The following RGS18 variants were observed in gnomAD, a reference collection of about 807,000 sequenced individuals.
The protein encoded by RGS18 is regulator of G protein signaling 18.
Under a neutral mutation model 27.6 loss-of-function variants are expected in RGS18, and 22 were observed. That is an observed-to-expected ratio of 0.80 (90% confidence interval 0.57 to 1.14). The LOEUF (loss-of-function observed/expected upper bound fraction) is 1.14, where lower values mean the gene tolerates loss of function less well. Among genes scored for constraint, RGS18 ranks in the 50% most tolerant of loss-of-function variants. The pLI, the probability that RGS18 is intolerant of heterozygous loss-of-function variation, is 0.00. For missense variants in RGS18, 299 were observed against 269.6 expected (o/e 1.11, Z -0.76); for synonymous variants, 89 against 84.6 (o/e 1.05, Z -0.29).
chr1:192,169,286 G>A (rs1211052234), intron 3 of RGS18: 4 of 152,020 alleles, frequency 2.6e-5, no homozygotes, highest in South Asian at 2.1e-4. Context: ...ATCAATCCAC[G>A]CTTATGCATA....
In RGS18 at chr1:192,172,864, C is replaced by CATATATATATATAT. The variant is rs549568195; in HGVS notation, c.284-8422_284-8409dup. Among the ~76,000 whole-genome samples, 1,090 of 135,466 alleles carry CATATATATATATAT rather than the reference C, an allele frequency of 8.0e-3. 11 individuals are homozygous for CATATATATATATAT. Among genetic ancestry groups the CATATATATATATAT allele is most frequent in the East Asian group, 0.043 (181 of 4,248 alleles). 88.9% of individuals were successfully genotyped at this position (135,466 alleles called of 152,430 possible). A position where few individuals can be genotyped will look rare whatever the true frequency, so the allele number is the denominator to read the frequency against. ...ACAATGCCTTCCTGAGAAAAATATG[C>CATATATATATATAT]ATATATATATATATATATAAATATA... On this transcript the variant is annotated intron_variant, in intron 3 of 4. Transcript: ENST00000367460.
At chr1:192,161,105 C>A in intron 3 of RGS18, among the ~76,000 whole-genome samples, 1 of 152,256 alleles carries the variant, frequency 6.6e-6, no homozygotes, top group Admixed American at 6.5e-5. Flanking sequence ...CCGTCTCAGC[C>A]TCCCAAAGTG....
At chr1:192,182,460 C>T (rs949370214) in intron 4 of RGS18, among the ~76,000 whole-genome samples, 3 of 151,510 alleles carry the variant, frequency 2.0e-5, no homozygotes, top group Non-Finnish European at 4.4e-5. Context: ...AACATTTTGT[C>T]CAAAATGGCA....
At chr1:192,176,896 A>G (rs779347044) in intron 3 of RGS18, among the ~76,000 whole-genome samples, 3 of 151,832 alleles carry the variant, frequency 2.0e-5, no homozygotes, top group Non-Finnish European at 2.9e-5. Context: ...CCAAAGTCAT[A>G]TAGACTGGCA....
chr1:192,159,236 AAT>A lies in RGS18; in HGVS notation c.138_139del (p.Asn46LysfsTer10). 6.2e-7 allele frequency: 1 copy of A among 1,612,868 alleles called. No individual in the cohort carries two copies. Among genetic ancestry groups the A allele is most frequent in the Non-Finnish European group, 8.5e-7 (1 of 1,178,904 alleles). On this transcript the variant is annotated frameshift_variant, in exon 2 of 5. Transcript: ENST00000367460. LOFTEE classifies it high-confidence loss of function. ...TTATTACAGAGCTAAGGAAAAAAGAAATAGACTAAGTCTTCTTGTGCAGAAAC... is the reference window on the plus strand; with the variant it reads ...TTATTACAGAGCTAAGGAAAAAAGAAAGACTAAGTCTTCTTGTGCAGAAAC... The part of the protein sequence containing the change: ...EAKIRAKEKR[N>X]RLSLLVQKPE...
Position 192,184,778 on chromosome 1 carries a change from A to C in RGS18, c.*224A>C. 2.3e-6 allele frequency: 1 copy of C among 435,060 alleles called. No individual in the cohort carries two copies. The highest frequency in any genetic ancestry group is 4.1e-6 in the Non-Finnish European group (1 of 245,688). 26.9% of individuals were successfully genotyped at this position (435,060 alleles called of 1,614,324 possible). A position where few individuals can be genotyped will look rare whatever the true frequency, so the allele number is the denominator to read the frequency against. ...ATGTCATTCCATTTATAATCAGAAA[A>C]AAAACTTATTTCTTAATCAAAAGGC... is the stretch of plus-strand genomic sequence containing the variant. On this transcript the variant is annotated 3_prime_UTR_variant, in exon 5 of 5. Coordinates refer to ENST00000367460, the MANE Select transcript of RGS18 (RefSeq NM_130782.3).
chr1:192,163,461 C>A (rs1403478514), intron 3 of RGS18: 1 of 152,086 alleles, frequency 6.6e-6, no homozygotes, highest in African/African-American at 2.4e-5. Flanking sequence ...CCTCACCTAG[C>A]ATTCTGTAAT....
chr1:192,180,090 TTTTTGAAGTCACATTGTCTAG>T (rs1449078413), intron 3 of RGS18, among the ~76,000 whole-genome samples: 1 of 151,560 alleles, frequency 6.6e-6, no homozygotes, highest in East Asian at 1.9e-4. Context: ...TGAAAGAGCG[TTTTTGAAGTCACATTGTCTAG>T]TTTTGAAGTC....
chr1:192,164,163 G>T (rs1343145096), intron 3 of RGS18, among the ~76,000 whole-genome samples: 1 of 152,106 alleles, frequency 6.6e-6, no homozygotes, highest in Non-Finnish European at 1.5e-5. Context: ...TTTTAGGAAT[G>T]AAACCACAGG....
chr1:192,183,840 G>T (rs984664240), intron 4 of RGS18, among the ~76,000 whole-genome samples: 1 of 151,558 alleles, frequency 6.6e-6, no homozygotes, highest in Non-Finnish European at 1.5e-5. Flanking sequence ...ACTTCAATTG[G>T]TTCATGGTTC....
intron 3 of RGS18, among the ~76,000 whole-genome samples, chr1:192,172,884 AAT>A (rs1553229386): frequency 4.1e-5 from 4 of 97,496 alleles, no homozygotes; most frequent in African/African-American, 9.6e-5. Context: ...TATATATATA[AAT>A]ATATATATAT....
rs912606714 is a variant in RGS18 at position 192,181,158 on chromosome 1, T to C, written c.284-134T>C. 3.2e-5 allele frequency: 16 copies of C among 495,910 alleles called. No homozygotes were observed. The East Asian group carries it at 4.3e-4, about 13-fold the overall frequency. The allele number at this position is 495,910 out of a possible 1,614,324, so 30.7% of individuals were successfully genotyped here. On this transcript the variant is annotated intron_variant, in intron 3 of 4. Coordinates refer to ENST00000367460, the MANE Select transcript of RGS18 (RefSeq NM_130782.3). ...GGTCTCTCAGGTATATTGTGCAAGA[T>C]GTGTGCTGCGGTGCTGCATTAGAGG... is the stretch of plus-strand genomic sequence containing the variant.
intron 4 of RGS18, 119 bp downstream of exon 4, chr1:192,181,577 C>A: frequency 1.5e-6 from 1 of 660,264 alleles, no homozygotes; most frequent in Non-Finnish European, 2.4e-6. Flanking sequence ...TTATAATTGA[C>A]ATGTAATAAT....
intron 3 of RGS18, among the ~76,000 whole-genome samples, chr1:192,179,272 G>A (rs1656408645): frequency 6.6e-6 from 1 of 151,492 alleles, no homozygotes; most frequent in Admixed American, 6.6e-5. Context: ...AGAGAAATGG[G>A]CTATAACTAG....
In RGS18 at chr1:192,158,520, C is replaced by A; in HGVS notation, c.-118C>A. 1.1e-6 allele frequency: 1 copy of A among 897,642 alleles called. No individual in the cohort carries two copies. Among genetic ancestry groups the A allele is most frequent in the Non-Finnish European group, 1.5e-6 (1 of 660,214 alleles). 55.6% of individuals were successfully genotyped at this position (897,642 alleles called of 1,614,324 possible). On this transcript the variant is annotated 5_prime_UTR_variant, in exon 1 of 5. Transcript: ENST00000367460. ...CAGCTCTTGACTTCTTTTTTGTAAA[C>A]ATTACTGTAAGAGTTGTGATAACTT...
Position 192,158,477 on chromosome 1 carries a change from CAG to C in RGS18, c.-157_-156del. ...TCATTTCCTCAGTTCTGCATTTCTGCAGAGACAGAAAGAAACGCAGCTCTTGA... is the reference window on the plus strand; with the variant it reads ...TCATTTCCTCAGTTCTGCATTTCTGCAGACAGAAAGAAACGCAGCTCTTGA... On this transcript the variant is annotated 5_prime_UTR_variant, in exon 1 of 5. Transcript: ENST00000367460. 1 of 554,836 alleles carries C rather than the reference CAG, an allele frequency of 1.8e-6. No homozygotes were observed. Among genetic ancestry groups the C allele is most frequent in the Non-Finnish European group, 2.8e-6 (1 of 362,146 alleles). 34.4% of individuals were successfully genotyped at this position (554,836 alleles called of 1,614,324 possible).
At chr1:192,179,684 G>A (rs1435921753) in intron 3 of RGS18, among the ~76,000 whole-genome samples, 1 of 151,634 alleles carries the variant, frequency 6.6e-6, no homozygotes, top group African/African-American at 2.4e-5. Flanking sequence ...GAATCAGGCT[G>A]TGTGGAAAAT....
intron 4 of RGS18, among the ~76,000 whole-genome samples, chr1:192,182,700 A>G (rs961550108): frequency 6.6e-6 from 1 of 151,594 alleles, no homozygotes; most frequent in African/African-American, 2.4e-5. Context: ...ATTCTAGACT[A>G]AGAGTGAATA....
intron 3 of RGS18, among the ~76,000 whole-genome samples, chr1:192,180,163 G>T (rs1287390811): frequency 6.6e-6 from 1 of 151,504 alleles, no homozygotes; most frequent in Non-Finnish European, 1.5e-5. Flanking sequence ...CACTTTTTTA[G>T]TTATGTAAAT....
Sources: gnomAD v4.1 joint callset for allele counts (sites outside exome capture counted in the v4.1 genomes callset) on GRCh38, gnomAD v4.1.1 for gene constraint, MANE v1.5 for transcripts, NCBI Gene and HGNC (gene_info 2026-07-23, HGNC 2026-07-21) for gene names.